POU6F2: variants seen among roughly 807,000 people sequenced by gnomAD.
The protein encoded by POU6F2 is POU domain, class 6, transcription factor 2.
In POU6F2, 31 loss-of-function variants were observed where a neutral mutation model predicts 71.3. That is an observed-to-expected ratio of 0.43 (90% CI 0.33 to 0.59). POU6F2 has a LOEUF of 0.59. Among genes scored for constraint, POU6F2 ranks in the 20% least tolerant of loss-of-function variants. The pLI is 0.04. For synonymous variants in POU6F2, 347 were observed against 355.7 expected, an observed-to-expected ratio of 0.98 and a Z score of 0.27; for missense variants, 783 against 856.8, an observed-to-expected ratio of 0.91 and a Z score of 1.07.
chr7:39,359,573 A>T (rs1019922445), intron 5 of POU6F2, among the ~76,000 whole-genome samples: 3 of 152,146 alleles, frequency 2.0e-5, no homozygotes, highest in Admixed American at 1.3e-4. Flanking sequence ...AAATTATCAC[A>T]TTTCTAGACC....
chr7:39,009,237 A>G (rs1313696781), intron 1 of POU6F2, among the ~76,000 whole-genome samples: 5 of 151,668 alleles, frequency 3.3e-5, no homozygotes, highest in African/African-American at 7.3e-5. Flanking sequence ...GAGGTCCTTC[A>G]CATCCCTTGT....
intron 7 of POU6F2, among the ~76,000 whole-genome samples, chr7:39,438,715 G>A (rs561768056): frequency 1.3e-5 from 2 of 152,336 alleles, no homozygotes; most frequent in Admixed American, 1.3e-4. Context: ...ATCACACTGT[G>A]GTCTGAGAGA....
Position 39,086,024 on chromosome 7 carries a change from G to A in POU6F2, c.270G>A (p.Lys90=), listed in dbSNP as rs371496157. Residue 90 remains lysine (K), a synonymous_variant, in exon 2 of 10, where the codon AAG becomes AAA. Coordinates refer to ENST00000518318, the MANE Select transcript of POU6F2 (RefSeq NM_001370959.1). ...ATGACAGCGAGGACACTCCCAGCAA[G>A]CTCTTCGGTAAGTCTGTCTAGGTAT... ...ESNDSEDTPS[K]LFGARGNPAL... The A allele has an allele frequency of 3.8e-5, 61 of 1,613,366 alleles. No individual in the cohort carries two copies. The highest frequency in any genetic ancestry group is 5.9e-6 in the Non-Finnish European group (7 of 1,179,670).
chr7:39,372,808 A>G (rs1448426178), intron 5 of POU6F2, among the ~76,000 whole-genome samples: 1 of 152,202 alleles, frequency 6.6e-6, no homozygotes, highest in Non-Finnish European at 1.5e-5. Context: ...GATAAAAATC[A>G]TTCTTAGCTT....
chr7:39,165,825 G>A (rs1049000193), intron 2 of POU6F2, among the ~76,000 whole-genome samples: 6 of 152,140 alleles, frequency 3.9e-5, no homozygotes, highest in African/African-American at 1.4e-4. Flanking sequence ...GTAATAATTA[G>A]CCAATAAATA....
intron 1 of POU6F2, among the ~76,000 whole-genome samples, chr7:39,058,207 C>G (rs752161627): frequency 1.3e-5 from 2 of 152,196 alleles, no homozygotes; most frequent in African/African-American, 2.4e-5. Flanking sequence ...ATCTGCAGTT[C>G]TGTCATTGAC....
chr7:39,060,069 G>C (rs187772315), intron 1 of POU6F2, among the ~76,000 whole-genome samples: 1 of 152,054 alleles, frequency 6.6e-6, no homozygotes. Flanking sequence ...TTAGCCGGGC[G>C]CGGTGGCGGG....
chr7:39,059,814 G>T (rs1367515912), intron 1 of POU6F2, among the ~76,000 whole-genome samples: 2 of 152,266 alleles, frequency 1.3e-5, no homozygotes, highest in Non-Finnish European at 2.9e-5. Context: ...AAGAAAATGC[G>T]ATATAGTCAT....
intron 2 of POU6F2, among the ~76,000 whole-genome samples, chr7:39,091,106 G>A (rs140941315): frequency 3.3e-5 from 5 of 152,178 alleles, no homozygotes; most frequent in African/African-American, 1.2e-4. Flanking sequence ...CCGTAATGCT[G>A]CATTGATAAA....
chr7:39,306,719 A>G (rs1440637320), intron 4 of POU6F2, among the ~76,000 whole-genome samples: 1 of 152,202 alleles, frequency 6.6e-6, no homozygotes, highest in Non-Finnish European at 1.5e-5. Flanking sequence ...GCAGAATACC[A>G]AAAGCCTAAG....
intron 1 of POU6F2, chr7:38,984,222 G>A (rs895281408): frequency 3.3e-5 from 5 of 152,028 alleles, no homozygotes; most frequent in Non-Finnish European, 5.9e-5. Flanking sequence ...GCAAATAAAC[G>A]TGTTGACACC....
chr7:39,387,452 G>A (rs534242565), intron 5 of POU6F2, among the ~76,000 whole-genome samples: 3 of 152,290 alleles, frequency 2.0e-5, no homozygotes, highest in South Asian at 2.1e-4. Context: ...CACAGTTTAC[G>A]TAGCTGATTG....
At chr7:39,160,577 C>T (rs770613276) in intron 2 of POU6F2, among the ~76,000 whole-genome samples, 1 of 152,204 alleles carries the variant, frequency 6.6e-6, no homozygotes, top group Non-Finnish European at 1.5e-5. Flanking sequence ...TCATCTAAAA[C>T]TGACCTCCTG....
intron 5 of POU6F2, among the ~76,000 whole-genome samples, chr7:39,391,884 ATT>A (rs1322911749): frequency 6.6e-6 from 1 of 152,204 alleles, no homozygotes; most frequent in Non-Finnish European, 1.5e-5. Context: ...AGGATAGAAC[ATT>A]GTGATAGCTC....
At chr7:39,358,306 G>A (rs114873470) in intron 5 of POU6F2, among the ~76,000 whole-genome samples, 365 of 152,206 alleles carry the variant, frequency 2.4e-3, no homozygotes, top group Middle Eastern at 0.014. Flanking sequence ...GTGGGTGGAC[G>A]TGTTTGGGTG....
chr7:39,329,405 T>C (rs1482310381), intron 4 of POU6F2, among the ~76,000 whole-genome samples: 7 of 152,062 alleles, frequency 4.6e-5, no homozygotes, highest in Non-Finnish European at 1.0e-4. Flanking sequence ...CAATTTCTAC[T>C]TTCTTAAGAG....
intron 2 of POU6F2, among the ~76,000 whole-genome samples, chr7:39,119,857 C>G (rs1358003): frequency 0.14 from 21,244 of 152,030 alleles, 1,551 homozygotes; most frequent in African/African-American, 0.17. Context: ...TATGTCATAC[C>G]TGGTTCAAAC....
At chr7:39,455,455 C>T (rs1027522590) in intron 8 of POU6F2, among the ~76,000 whole-genome samples, 1 of 152,126 alleles carries the variant, frequency 6.6e-6, no homozygotes, top group African/African-American at 2.4e-5. Flanking sequence ...TTGCAAACTC[C>T]CAAATGGCTT....
intron 5 of POU6F2, among the ~76,000 whole-genome samples, chr7:39,348,757 A>T (rs1008810578): frequency 6.6e-6 from 1 of 152,240 alleles, no homozygotes; most frequent in African/African-American, 2.4e-5. Context: ...AAGAAATTTT[A>T]TTAAAAACAG....
Sources: allele counts gnomAD v4.1 joint callset (sites outside exome capture counted in the v4.1 genomes callset), GRCh38; gene constraint gnomAD v4.1.1; transcripts MANE v1.5; gene names NCBI Gene and HGNC (gene_info 2026-07-23, HGNC 2026-07-21).